The following RERE variants were observed in gnomAD, a reference collection of about 807,000 sequenced individuals.
RERE encodes arginine-glutamic acid dipeptide repeats, also known as arginine-glutamic acid dipeptide repeats protein.
Under a neutral mutation model 146.1 loss-of-function variants are expected in RERE, and 40 were observed. That is an observed-to-expected ratio of 0.27 (90% CI 0.21 to 0.36). The LOEUF is 0.36. Ranked by LOEUF, RERE falls within the 10% of genes least tolerant of loss-of-function variation. The probability of loss-of-function intolerance (pLI) is 1.00; values close to 1 mark genes in which losing one functional copy is unlikely to be tolerated. For synonymous variants in RERE, 1,003 were observed against 866.0 expected, an observed-to-expected ratio of 1.16 and a Z score of -2.78; for missense variants, 1,933 against 2,138.7, an observed-to-expected ratio of 0.90 and a Z score of 1.90.
intron 4 of RERE, among the ~76,000 whole-genome samples, chr1:8,576,021 G>A (rs1478483865): frequency 1.3e-5 from 2 of 151,968 alleles, no homozygotes; most frequent in African/African-American, 4.8e-5. Context: ...CCCTACACAG[G>A]GCATTGAAAC....
At chr1:8,382,725 TC>T (rs141145429) in intron 12 of RERE, among the ~76,000 whole-genome samples, 3,142 of 152,162 alleles carry the variant, frequency 0.021, 119 homozygotes, top group African/African-American at 0.073. Context: ...TTGAGCAAAT[TC>T]CCTAACCTCT....
intron 1 of RERE, among the ~76,000 whole-genome samples, chr1:8,697,369 T>C (rs1639353952): frequency 1.5e-5 from 2 of 134,908 alleles, no homozygotes; most frequent in Admixed American, 7.4e-5. Context: ...GTATCTTTCT[T>C]CCCCCAACCA....
intron 11 of RERE, among the ~76,000 whole-genome samples, chr1:8,453,294 T>C (rs999363565): frequency 1.3e-5 from 2 of 152,194 alleles, no homozygotes; most frequent in African/African-American, 4.8e-5. Context: ...TGGACTGAAC[T>C]GAGCAGTAGG....
At chr1:8,396,108 G>C (rs557607803) in intron 12 of RERE, among the ~76,000 whole-genome samples, 8 of 152,288 alleles carry the variant, frequency 5.3e-5, no homozygotes, top group African/African-American at 1.7e-4. Flanking sequence ...TGACAAGTGA[G>C]AAGGCACAGA....
rs570280246 is a variant in RERE at position 8,493,004 on chromosome 1, G to A, written c.1104+2059C>T. ...TGGGAGGATCACTTGAGCCTGGGAG[G>A]TCAAGCCTGCAGTGAGCCTGCAGTG... On this transcript the variant is annotated intron_variant, in intron 10 of 22. Coordinates refer to ENST00000400908, the MANE Select transcript of RERE (RefSeq NM_001042681.2). Among the ~76,000 whole-genome samples the A allele has an allele frequency of 8.5e-5, 13 of 152,288 alleles. No homozygotes were observed. The South Asian group carries it at 2.7e-3, about 32-fold the overall frequency.
At chr1:8,455,851 GC>G (rs989252462) in intron 11 of RERE, among the ~76,000 whole-genome samples, 12 of 152,200 alleles carry the variant, frequency 7.9e-5, no homozygotes, top group Admixed American at 4.6e-4. Context: ...AGCAGGGCCT[GC>G]AAAATGCAGT....
intron 2 of RERE, among the ~76,000 whole-genome samples, chr1:8,628,526 A>T (rs1647000394): frequency 6.6e-6 from 1 of 152,206 alleles, no homozygotes; most frequent in African/African-American, 2.4e-5. Flanking sequence ...CCCAACAAAA[A>T]ATAAACACAA....
chr1:8,437,634 G>A (rs1219332035), intron 11 of RERE, among the ~76,000 whole-genome samples: 1 of 152,068 alleles, frequency 6.6e-6, no homozygotes, highest in African/African-American at 2.4e-5. Context: ...CCTCACTCTT[G>A]CTGACAATAT....
At chr1:8,499,150 G>C (rs1645094326) in intron 8 of RERE, among the ~76,000 whole-genome samples, 1 of 152,206 alleles carries the variant, frequency 6.6e-6, no homozygotes, top group South Asian at 2.1e-4. Context: ...AGATACTCAT[G>C]TTCTCATCCT....
intron 4 of RERE, among the ~76,000 whole-genome samples, chr1:8,565,361 TTAGA>T (rs1424049656): frequency 2.0e-5 from 3 of 152,300 alleles, no homozygotes; most frequent in Non-Finnish European, 2.9e-5. Flanking sequence ...AAAAATGAAA[TTAGA>T]TAGGAAATAT....
intron 12 of RERE, chr1:8,380,658 T>G (rs1297898809): frequency 1.4e-5 from 5 of 361,770 alleles, no homozygotes; most frequent in Non-Finnish European, 2.7e-5. Flanking sequence ...ATCAAGAGCT[T>G]TTTTAAAAGC....
At chr1:8,479,228 A>G (rs556514785) in intron 10 of RERE, among the ~76,000 whole-genome samples, 2 of 152,208 alleles carry the variant, frequency 1.3e-5, no homozygotes, top group Non-Finnish European at 2.9e-5. Context: ...CTACAAAAAA[A>G]TTTTTTTAAA....
intron 2 of RERE, among the ~76,000 whole-genome samples, chr1:8,648,260 CTCACTCTGTAACCCAGGCTGCAG>C (rs1647422888): frequency 6.6e-6 from 1 of 152,180 alleles, no homozygotes; most frequent in Non-Finnish European, 1.5e-5. Context: ...GCGATGGGGT[CTCACTCTGTAACCCAGGCTGCAG>C]TGCAGTGGTG....
chr1:8,713,743 T>C (rs1639712285), intron 1 of RERE, among the ~76,000 whole-genome samples: 1 of 151,908 alleles, frequency 6.6e-6, no homozygotes, highest in African/African-American at 2.4e-5. Flanking sequence ...TCAAAAATAA[T>C]GATGATGATA....
chr1:8,811,434 T>A (rs1048226017), intron 1 of RERE, among the ~76,000 whole-genome samples: 3 of 152,070 alleles, frequency 2.0e-5, no homozygotes, highest in African/African-American at 4.8e-5. Flanking sequence ...TGACAAGACT[T>A]GATTTCTACA....
At position 8,365,837 on chromosome 1, in the gene RERE, G is replaced by A. The variant is rs761097579; in HGVS notation, c.1422C>T (p.Pro474=). ...AGAATTCACTGGACGGGGGTCTGGA[G>A]GGTGTGTTGACGGGTGTGGACGCGG... is the stretch of plus-strand genomic sequence containing the variant. The part of the protein sequence containing the change: ...TRTASTPVNT[P]SRPPSSEFLD... Residue 474 remains proline (P), a synonymous_variant, in exon 13 of 23, where the codon CCC becomes CCT. Coordinates refer to ENST00000400908, the MANE Select transcript of RERE (RefSeq NM_001042681.2). 1.1e-5 allele frequency: 17 copies of A among 1,614,098 alleles called. No individual in the cohort carries two copies. The highest frequency in any genetic ancestry group is 6.7e-5 in the African/African-American group (5 of 74,932).
intron 12 of RERE, among the ~76,000 whole-genome samples, chr1:8,378,885 GCTGA>G (rs1642352199): frequency 1.3e-5 from 2 of 152,206 alleles, no homozygotes; most frequent in Admixed American, 1.3e-4. Context: ...GGCTCATGGA[GCTGA>G]CTGTCAGCAG....
intron 6 of RERE, among the ~76,000 whole-genome samples, chr1:8,555,730 G>A (rs1261113656): frequency 1.3e-5 from 2 of 152,106 alleles, no homozygotes; most frequent in Non-Finnish European, 2.9e-5. Context: ...CACACAAAAT[G>A]AGCCATTATG....
chr1:8,559,199 G>A (rs1341432283), intron 4 of RERE, among the ~76,000 whole-genome samples: 1 of 143,518 alleles, frequency 7.0e-6, no homozygotes, highest in African/African-American at 2.6e-5. Flanking sequence ...AGAATTGCTT[G>A]AACCTGGGAG....
Sources: allele counts gnomAD v4.1 joint callset (sites outside exome capture counted in the v4.1 genomes callset), GRCh38; gene constraint gnomAD v4.1.1; transcripts MANE v1.5; gene names NCBI Gene and HGNC (gene_info 2026-07-23, HGNC 2026-07-21).